Variants in C8orf34 observed in about 807,000 individuals in gnomAD.
C8orf34 encodes the protein chromosome 8 open reading frame 34, also known as uncharacterized protein C8orf34.
C8orf34 carries 65 observed loss-of-function variants against 68.3 expected under a neutral mutation model. That is an observed-to-expected ratio of 0.95 (90% confidence interval 0.78 to 1.17). The LOEUF (loss-of-function observed/expected upper bound fraction) is 1.17, where lower values mean the gene tolerates loss of function less well. Ranked by LOEUF, C8orf34 falls within the 50% of genes most tolerant of loss-of-function variation. C8orf34 has a pLI of 0.00. For synonymous variants in C8orf34, 244 were observed against 241.2 expected (o/e 1.01, Z -0.11); for missense variants, 664 against 655.4 (o/e 1.01, Z -0.14).
chr8:68,388,812 G>T (rs1808364720), intron 1 of C8orf34, among the ~76,000 whole-genome samples: 1 of 152,022 alleles, frequency 6.6e-6, no homozygotes, highest in Non-Finnish European at 1.5e-5. Flanking sequence ...AAAATAATTT[G>T]GTAGATGTAA....
At chr8:68,760,559 C>T (rs1822996622) in intron 10 of C8orf34, among the ~76,000 whole-genome samples, 1 of 152,178 alleles carries the variant, frequency 6.6e-6, no homozygotes, top group Admixed American at 6.5e-5. Flanking sequence ...CTTCTTCCTC[C>T]TGGCAGAAAT....
chr8:68,794,728 C>T, intron 12 of C8orf34, among the ~76,000 whole-genome samples: 1 of 151,452 alleles, frequency 6.6e-6, no homozygotes, highest in Non-Finnish European at 1.5e-5. Context: ...TTCAAGTGAT[C>T]TGTCTGCCTC....
chr8:68,806,090 T>G (rs1032130595), intron 12 of C8orf34, among the ~76,000 whole-genome samples: 3 of 152,112 alleles, frequency 2.0e-5, no homozygotes, highest in African/African-American at 7.2e-5. Context: ...ATATTTTAGC[T>G]TTGTAAAACT....
chr8:68,551,197 T>G (rs2130054600), intron 7 of C8orf34, among the ~76,000 whole-genome samples: 1 of 152,098 alleles, frequency 6.6e-6, no homozygotes, highest in African/African-American at 2.4e-5. Flanking sequence ...TGATGTGATT[T>G]TTTTATTTCT....
At chr8:68,337,786 A>G (rs1322500780) in intron 1 of C8orf34, among the ~76,000 whole-genome samples, 1 of 152,222 alleles carries the variant, frequency 6.6e-6, no homozygotes, top group Non-Finnish European at 1.5e-5. Context: ...TATACAATAA[A>G]TAGCTACAAA....
At chr8:68,449,026 A>G (rs1341897870) in intron 3 of C8orf34, among the ~76,000 whole-genome samples, 1 of 152,150 alleles carries the variant, frequency 6.6e-6, no homozygotes, top group Non-Finnish European at 1.5e-5. Flanking sequence ...ATAGAACTAA[A>G]GGAAGATATA....
Position 68,526,686 on chromosome 8 carries a change from C to CAAAAA in C8orf34, c.938+4725_938+4729dup, listed in dbSNP as rs370357862. 1.9e-3 allele frequency among the ~76,000 whole-genome samples: 259 copies of CAAAAA among 133,184 alleles called. 3 individuals are homozygous for CAAAAA. The highest frequency in any genetic ancestry group is 2.5e-3 in the African/African-American group (92 of 36,516). 87.4% of individuals were successfully genotyped at this position (133,184 alleles called of 152,430 possible). On this transcript the variant is annotated intron_variant, in intron 6 of 13. Transcript: ENST00000518698. ...GCACCCTTTAATTAATGACTGGAGTCAAAAAAAAAAAAAAGGACACAGGTT... is the reference window on the plus strand; with the variant it reads ...GCACCCTTTAATTAATGACTGGAGTCAAAAAAAAAAAAAAAAAAAGGACACAGGTT...
rs60113883 is a variant in C8orf34 at position 68,610,861 on chromosome 8, G to GTTTTTTTTTTTT, written c.1106-29506_1106-29495dup. Reference sequence around the variant, plus strand: ...GTTTTCTGGTTACAGTGAATCTTTGGTTTTTTTTTTTTTTTTTTTTGAGAC... The same window carrying GTTTTTTTTTTTT: ...GTTTTCTGGTTACAGTGAATCTTTGGTTTTTTTTTTTTTTTTTTTTTTTTTTTTTTTTGAGAC... On this transcript the variant is annotated intron_variant, in intron 7 of 13. Coordinates refer to ENST00000518698, the MANE Select transcript of C8orf34 (RefSeq NM_052958.4). Among the ~76,000 whole-genome samples, 58 of 120,442 alleles carry GTTTTTTTTTTTT rather than the reference G, an allele frequency of 4.8e-4. 1 individual carries two copies. Among genetic ancestry groups the GTTTTTTTTTTTT allele is most frequent in the African/African-American group, 1.9e-3 (55 of 28,864 alleles). The allele number at this position is 120,442 out of a possible 152,430, so 79.0% of individuals were successfully genotyped here. A position where few individuals can be genotyped will look rare whatever the true frequency, so the allele number is the denominator to read the frequency against.
chr8:68,384,118 A>C (rs543469463), intron 1 of C8orf34, among the ~76,000 whole-genome samples: 12 of 152,346 alleles, frequency 7.9e-5, no homozygotes, highest in African/African-American at 2.9e-4. Context: ...GAAATGCTTT[A>C]GAGGTGAAAA....
intron 7 of C8orf34, among the ~76,000 whole-genome samples, chr8:68,580,102 T>A (rs992158501): frequency 1.6e-4 from 24 of 152,170 alleles, no homozygotes; most frequent in African/African-American, 4.8e-4. Context: ...TAATGAGTAA[T>A]AAAGTATACA....
chr8:68,807,429 C>T (rs1824518516), intron 12 of C8orf34, among the ~76,000 whole-genome samples: 1 of 152,166 alleles, frequency 6.6e-6, no homozygotes, highest in Non-Finnish European at 1.5e-5. Flanking sequence ...TAAATGCTAT[C>T]AAATCTGCTG....
intron 1 of C8orf34, among the ~76,000 whole-genome samples, chr8:68,421,043 A>C (rs1809945023): frequency 6.6e-6 from 1 of 152,284 alleles, no homozygotes; most frequent in South Asian, 2.1e-4. Context: ...AAAGGTGTTA[A>C]CCCATAGATT....
At chr8:68,553,405 A>AAAAAAAAAAAAAC (rs1554577324) in intron 7 of C8orf34, among the ~76,000 whole-genome samples, 2 of 141,094 alleles carry the variant, frequency 1.4e-5, no homozygotes, top group African/African-American at 5.7e-5. Flanking sequence ...AAAAAAAAAA[A>AAAAAAAAAAAAAC]AAAAACATAT....
intron 10 of C8orf34, among the ~76,000 whole-genome samples, chr8:68,773,157 C>A (rs888012061): frequency 1.3e-5 from 2 of 152,060 alleles, no homozygotes; most frequent in African/African-American, 4.8e-5. Flanking sequence ...ATTTCATTAG[C>A]GATCCCAGTG....
At chr8:68,779,849 T>C (rs1251380494) in intron 11 of C8orf34, among the ~76,000 whole-genome samples, 1 of 152,200 alleles carries the variant, frequency 6.6e-6, no homozygotes, top group Non-Finnish European at 1.5e-5. Context: ...AATGAAGATC[T>C]TTTTTCAAGA....
intron 7 of C8orf34, among the ~76,000 whole-genome samples, chr8:68,628,356 T>A (rs1469388595): frequency 6.6e-6 from 1 of 152,128 alleles, no homozygotes; most frequent in South Asian, 2.1e-4. Context: ...AACAGAAACA[T>A]GGCCTGAACA....
intron 8 of C8orf34, among the ~76,000 whole-genome samples, chr8:68,656,217 C>T (rs926833737): frequency 1.3e-5 from 2 of 152,112 alleles, no homozygotes; most frequent in African/African-American, 4.8e-5. Context: ...ATAATTTTAA[C>T]AGAATCCCAA....
intron 1 of C8orf34, among the ~76,000 whole-genome samples, chr8:68,371,862 T>C (rs1219447064): frequency 6.6e-6 from 1 of 152,112 alleles, no homozygotes; most frequent in Non-Finnish European, 1.5e-5. Flanking sequence ...CCTCCCAAAG[T>C]GCTGGGATTA....
intron 8 of C8orf34, among the ~76,000 whole-genome samples, chr8:68,679,987 G>A (rs761916647): frequency 2.0e-5 from 3 of 152,082 alleles, no homozygotes; most frequent in Non-Finnish European, 4.4e-5. Context: ...TAAAACATTA[G>A]GGAAGTTCTC....
Sources: allele counts gnomAD v4.1 joint callset (sites outside exome capture counted in the v4.1 genomes callset), GRCh38; gene constraint gnomAD v4.1.1; transcripts MANE v1.5; gene names NCBI Gene and HGNC (gene_info 2026-07-23, HGNC 2026-07-21).